UNC5D: variants seen among roughly 807,000 people sequenced by gnomAD.
UNC5D encodes the protein netrin receptor UNC5D.
UNC5D carries 39 observed loss-of-function variants against 105.4 expected under a neutral mutation model. The ratio of observed to expected loss-of-function variants is 0.37; its 90% confidence interval spans 0.29 to 0.48. UNC5D has a LOEUF of 0.48. Ranked by LOEUF, UNC5D falls within the 20% of genes least tolerant of loss-of-function variation. The pLI, the probability that UNC5D is intolerant of heterozygous loss-of-function variation, is 0.98. For missense variants in UNC5D, 991 were observed against 1,202.4 expected, an observed-to-expected ratio of 0.82 and a Z score of 2.60; for synonymous variants, 452 against 450.4, an observed-to-expected ratio of 1.00 and a Z score of -0.04.
At chr8:35,759,662 T>G (rs73578222) in intron 14 of UNC5D, among the ~76,000 whole-genome samples, 193 bp downstream of exon 14, 1 of 152,228 alleles carries the variant, frequency 6.6e-6, no homozygotes, top group Non-Finnish European at 1.5e-5. Context: ...AACAGCATTC[T>G]AACGGGTGGG....
chr8:35,530,169 AT>A (rs1329103011), intron 1 of UNC5D, among the ~76,000 whole-genome samples: 7 of 152,068 alleles, frequency 4.6e-5, no homozygotes, highest in African/African-American at 1.7e-4. Context: ...TCAATATGAT[AT>A]TGGCTGTGGG....
At chr8:35,458,742 G>A (rs1245672021) in intron 1 of UNC5D, among the ~76,000 whole-genome samples, 1 of 152,160 alleles carries the variant, frequency 6.6e-6, no homozygotes, top group Non-Finnish European at 1.5e-5. Flanking sequence ...TGTGCCTTAT[G>A]CAAGCCTCAG....
chr8:35,587,594 A>G (rs1248972838), intron 3 of UNC5D, among the ~76,000 whole-genome samples: 2 of 152,262 alleles, frequency 1.3e-5, no homozygotes, highest in Middle Eastern at 3.4e-3. Context: ...CCCATGACTA[A>G]AATAAAATTA....
chr8:35,638,451 A>C (rs1822516283), intron 4 of UNC5D, among the ~76,000 whole-genome samples: 1 of 152,042 alleles, frequency 6.6e-6, no homozygotes, highest in South Asian at 2.1e-4. Context: ...TTTTATTATT[A>C]CTTTTTTTAT....
chr8:35,296,363 G>A (rs1485039748), intron 1 of UNC5D, among the ~76,000 whole-genome samples: 1 of 152,156 alleles, frequency 6.6e-6, no homozygotes, highest in African/African-American at 2.4e-5. Context: ...TAATAGGTGT[G>A]AGGTGTTCTC....
intron 11 of UNC5D, among the ~76,000 whole-genome samples, chr8:35,746,340 A>G (rs1830006172): frequency 6.6e-6 from 1 of 152,198 alleles, no homozygotes; most frequent in Admixed American, 6.5e-5. Context: ...AAGGTAGCAG[A>G]AAAGGGCATA....
At chr8:35,388,262 G>T (rs1226396048) in intron 1 of UNC5D, among the ~76,000 whole-genome samples, 1 of 152,048 alleles carries the variant, frequency 6.6e-6, no homozygotes, top group South Asian at 2.1e-4. Context: ...TACTCGGGAG[G>T]CTGAGGCTGG....
chr8:35,696,064 CA>C (rs1826751200), intron 7 of UNC5D, among the ~76,000 whole-genome samples: 1 of 151,978 alleles, frequency 6.6e-6, no homozygotes, highest in East Asian at 1.9e-4. Context: ...AACACAAATT[CA>C]AAAATTCTTT....
rs551844655 is a variant in UNC5D, at chr8:35,775,152, ACT to A, written c.2657+676_2657+677del. Among the ~76,000 whole-genome samples, 35 of 152,254 alleles carry A rather than the reference ACT, an allele frequency of 2.3e-4. No individual in the cohort carries two copies. In the East Asian group the frequency reaches 6.6e-3, roughly 29 times the overall value. On this transcript the variant is annotated intron_variant, in intron 16 of 16. Transcript: ENST00000404895. ...AGCAAATTTCTCACGTCTCCCCTCT[ACT>A]ATCGGGTAACCCTAAGCATTCTTTA...
intron 4 of UNC5D, among the ~76,000 whole-genome samples, chr8:35,646,218 G>C (rs1823041036): frequency 6.6e-6 from 1 of 152,130 alleles, no homozygotes; most frequent in Non-Finnish European, 1.5e-5. Context: ...TCAGCTTGCA[G>C]ATTACTAGGT....
chr8:35,608,734 A>C (rs1820480394), intron 4 of UNC5D, among the ~76,000 whole-genome samples: 1 of 152,144 alleles, frequency 6.6e-6, no homozygotes, highest in South Asian at 2.1e-4. Context: ...GGTTCCATTC[A>C]TGTTGTTTCA....
chr8:35,359,976 T>C (rs112696421), intron 1 of UNC5D, among the ~76,000 whole-genome samples: 1 of 152,360 alleles, frequency 6.6e-6, no homozygotes, highest in Non-Finnish European at 1.5e-5. Flanking sequence ...TTTTAAATTC[T>C]TCATTTTGAA....
intron 2 of UNC5D, among the ~76,000 whole-genome samples, chr8:35,564,146 C>CTTCAATT (rs1398547827): frequency 7.0e-6 from 1 of 142,108 alleles, no homozygotes; most frequent in East Asian, 2.0e-4. Context: ...ATTCTCTCCT[C>CTTCAATT]TTCAATTTTT....
At chr8:35,664,823 T>C (rs1340348125) in intron 4 of UNC5D, among the ~76,000 whole-genome samples, 1 of 152,168 alleles carries the variant, frequency 6.6e-6, no homozygotes. Flanking sequence ...CACTCATCTA[T>C]TCTCTCAATT....
At chr8:35,721,194 CT>C (rs1828563029) in intron 8 of UNC5D, among the ~76,000 whole-genome samples, 1 of 152,058 alleles carries the variant, frequency 6.6e-6, no homozygotes, top group Non-Finnish European at 1.5e-5. Flanking sequence ...GGAAGATTAA[CT>C]ATGTAGTTAG....
chr8:35,324,238 A>AAAAAAAAAAG (rs1348963359), intron 1 of UNC5D, among the ~76,000 whole-genome samples: 1 of 149,706 alleles, frequency 6.7e-6, no homozygotes, highest in African/African-American at 2.4e-5. Context: ...GTCTCCAAAA[A>AAAAAAAAAAG]AAAAAAAAAA....
intron 1 of UNC5D, among the ~76,000 whole-genome samples, chr8:35,468,904 G>A (rs1429870564): frequency 6.6e-6 from 1 of 152,218 alleles, no homozygotes; most frequent in African/African-American, 2.4e-5. Context: ...AACTGAGGGT[G>A]TGGGAGTGCT....
At chr8:35,351,118 A>G (rs1240241533) in intron 1 of UNC5D, among the ~76,000 whole-genome samples, 1 of 152,080 alleles carries the variant, frequency 6.6e-6, no homozygotes, top group African/African-American at 2.4e-5. Context: ...AAACAGTAGC[A>G]TAAATATACT....
chr8:35,295,662 T>C (rs1014981302), intron 1 of UNC5D, among the ~76,000 whole-genome samples: 1 of 152,184 alleles, frequency 6.6e-6, no homozygotes, highest in Admixed American at 6.5e-5. Context: ...TCACCTTGCA[T>C]AGTCAGCTTT....
Sources: gnomAD v4.1 joint callset for allele counts (sites outside exome capture counted in the v4.1 genomes callset) on GRCh38, gnomAD v4.1.1 for gene constraint, MANE v1.5 for transcripts, NCBI Gene and HGNC (gene_info 2026-07-23, HGNC 2026-07-21) for gene names.